TENM2: variants seen among roughly 807,000 people sequenced by gnomAD.
TENM2 encodes the protein teneurin transmembrane protein 2.
A neutral mutation model predicts 245.2 loss-of-function variants in TENM2; 52 were observed. The ratio of observed to expected loss-of-function variants is 0.21; its 90% CI spans 0.17 to 0.27. TENM2 has a LOEUF of 0.27. TENM2 is among the 10% of genes least tolerant of loss of function. TENM2 has a pLI of 1.00. For missense variants in TENM2, 3,046 were observed against 3,666.8 expected (o/e 0.83, Z 4.37); for synonymous variants, 1,363 against 1,438.9 (o/e 0.95, Z 1.19).
At chr5:167,685,362 A>C (rs1291649058) in intron 2 of TENM2, among the ~76,000 whole-genome samples, 1 of 152,154 alleles carries the variant, frequency 6.6e-6, no homozygotes, top group Non-Finnish European at 1.5e-5. Context: ...CTGGGTCTTC[A>C]TAAGCCATCT....
At chr5:167,269,509 A>G in the TENM2 span, among the ~76,000 whole-genome samples, 343 of 149,130 alleles carry the variant, frequency 2.3e-3, 1 homozygote, top group African/African-American at 7.8e-3. Flanking sequence ...GCTTACTCAT[A>G]ATAGTAAAAT....
chr5:167,850,837 C>T (rs960502730), intron 2 of TENM2, among the ~76,000 whole-genome samples: 7 of 152,204 alleles, frequency 4.6e-5, no homozygotes, highest in Non-Finnish European at 7.4e-5. Flanking sequence ...TAGCTTGCAA[C>T]GAGTTAATAG....
At chr5:167,593,616 T>G (rs1344262400) in intron 2 of TENM2, among the ~76,000 whole-genome samples, 1 of 152,230 alleles carries the variant, frequency 6.6e-6, no homozygotes, top group Non-Finnish European at 1.5e-5. Flanking sequence ...AGTTAGGAAT[T>G]GAGAGCTAAA....
intron 2 of TENM2, among the ~76,000 whole-genome samples, chr5:167,807,146 AAAAAAAAAAAGAAG>A (rs1404242590): frequency 2.0e-5 from 3 of 148,224 alleles, no homozygotes; most frequent in African/African-American, 7.4e-5. Context: ...AAAAAAAAAA[AAAAAAAAAAAGAAG>A]AAGAAGAAGT....
At chr5:167,831,366 T>C (rs1309789138) in intron 2 of TENM2, among the ~76,000 whole-genome samples, 3 of 152,062 alleles carry the variant, frequency 2.0e-5, no homozygotes, top group African/African-American at 4.8e-5. Flanking sequence ...CACTCATGCA[T>C]ATCTTCAGGT....
intron 9 of TENM2, among the ~76,000 whole-genome samples, chr5:168,103,011 C>T (rs1206690834): frequency 6.6e-6 from 1 of 152,112 alleles, no homozygotes; most frequent in Non-Finnish European, 1.5e-5. Flanking sequence ...GGTATGTCTC[C>T]TAATGCTATC....
rs574155933 is a variant in TENM2 at position 167,431,538 on chromosome 5, T to G, written c.502+56065T>G. The stretch of plus-strand genomic sequence containing the variant: ...TGAATGAAAGGAAATTTAAGACAGT[T>G]GTTTTGCATTACATTATTATATCTC... On this transcript the variant is annotated intron_variant, in intron 2 of 28. Transcript: ENST00000518659. Among the ~76,000 whole-genome samples the G allele has an allele frequency of 4.6e-5, 7 of 152,260 alleles. No individual in the cohort carries two copies. The East Asian group carries it at 1.2e-3, about 25-fold the overall frequency.
At chr5:167,249,815 T>C in the TENM2 span, among the ~76,000 whole-genome samples, 1 of 80,040 alleles carries the variant, frequency 1.2e-5, no homozygotes, top group Non-Finnish European at 2.8e-5. Context: ...AAACATCCTC[T>C]CTAAATGTGT....
chr5:167,639,265 A>C (rs1209089626), intron 2 of TENM2, among the ~76,000 whole-genome samples: 1 of 152,228 alleles, frequency 6.6e-6, no homozygotes, highest in East Asian at 1.9e-4. Context: ...TCATATGCTA[A>C]ATAAACCAGG....
At chr5:167,669,152 T>C (rs1460670323) in intron 2 of TENM2, among the ~76,000 whole-genome samples, 1 of 152,132 alleles carries the variant, frequency 6.6e-6, no homozygotes, top group African/African-American at 2.4e-5. Context: ...GGGCTCACGG[T>C]TCTCAGTGTT....
rs184668418 is a variant in TENM2, at chr5:168,238,101, C to T, written c.5521-6319C>T. ...TGGAGCTTGCAGTGAGCCCAGATTG[C>T]GCCACTGCACTACAGCCTGGGAGAT... On this transcript the variant is annotated intron_variant, in intron 25 of 28. Coordinates refer to ENST00000518659, the Ensembl canonical transcript of TENM2. Among the ~76,000 whole-genome samples the T allele has an allele frequency of 6.5e-3, 932 of 144,046 alleles. 5 individuals are homozygous for T. The highest frequency in any genetic ancestry group is 0.023 in the African/African-American group (884 of 38,140). The allele number at this position is 144,046 out of a possible 152,430, so 94.5% of individuals were successfully genotyped here. A position where few individuals can be genotyped will look rare whatever the true frequency, so the allele number is the denominator to read the frequency against.
At chr5:167,748,603 A>G (rs1335679384) in intron 2 of TENM2, among the ~76,000 whole-genome samples, 1 of 151,944 alleles carries the variant, frequency 6.6e-6, no homozygotes, top group African/African-American at 2.4e-5. Flanking sequence ...TTAAGATACT[A>G]CCCAAGACTG....
the TENM2 span, among the ~76,000 whole-genome samples, chr5:167,084,878 T>TA: frequency 6.6e-6 from 1 of 152,090 alleles, no homozygotes; most frequent in Non-Finnish European, 1.5e-5. Flanking sequence ...GGGAAAAAAA[T>TA]ACTACGATAC....
chr5:167,268,873 C>G, the TENM2 span, among the ~76,000 whole-genome samples: 97 of 139,598 alleles, frequency 6.9e-4, 2 homozygotes, highest in East Asian at 8.5e-3. Flanking sequence ...CCAAAAGATA[C>G]ATAGATAGAT....
At chr5:167,222,542 G>T in the TENM2 span, among the ~76,000 whole-genome samples, 1 of 152,180 alleles carries the variant, frequency 6.6e-6, no homozygotes, top group Non-Finnish European at 1.5e-5. Context: ...GGAGGACATT[G>T]CCTATCACAG....
intron 2 of TENM2, among the ~76,000 whole-genome samples, chr5:167,750,085 A>G (rs13166157): frequency 1.2e-4 from 19 of 152,112 alleles, no homozygotes; most frequent in African/African-American, 4.6e-4. Flanking sequence ...ATGGTTCATT[A>G]TCTTCGGGGA....
chr5:167,376,251 T>C (rs185723082), intron 2 of TENM2, among the ~76,000 whole-genome samples: 2 of 152,212 alleles, frequency 1.3e-5, no homozygotes, highest in Non-Finnish European at 2.9e-5. Context: ...TCAAAAACAT[T>C]TTTTTAAAAA....
chr5:167,820,878 C>T (rs79738008), intron 2 of TENM2, among the ~76,000 whole-genome samples: 5 of 152,298 alleles, frequency 3.3e-5, no homozygotes, highest in East Asian at 3.9e-4. Flanking sequence ...GGACCACAAA[C>T]GCCACAGTTC....
chr5:167,204,749 C>T, the TENM2 span, among the ~76,000 whole-genome samples: 2 of 152,140 alleles, frequency 1.3e-5, no homozygotes, highest in African/African-American at 4.8e-5. Flanking sequence ...CAAAAGCTTT[C>T]TTCAAAAGCT....
Sources: gnomAD v4.1 joint callset for allele counts (sites outside exome capture counted in the v4.1 genomes callset) on GRCh38, gnomAD v4.1.1 for gene constraint, MANE v1.5 for transcripts, NCBI Gene and HGNC (gene_info 2026-07-23, HGNC 2026-07-21) for gene names.